Variants in TJP1 observed in about 807,000 individuals in gnomAD.
TJP1 encodes tight junction protein 1, also known as tight junction protein ZO-1.
TJP1 carries 43 observed loss-of-function variants against 194.2 expected under a neutral mutation model. That is an observed-to-expected ratio of 0.22 (90% confidence interval 0.17 to 0.29). The LOEUF is 0.29. Among genes scored for constraint, TJP1 ranks in the 10% least tolerant of loss-of-function variants. TJP1 has a pLI of 1.00. For synonymous variants in TJP1, 801 were observed against 779.0 expected, an observed-to-expected ratio of 1.03 and a Z score of -0.47; for missense variants, 1,971 against 2,185.7, an observed-to-expected ratio of 0.90 and a Z score of 1.96.
chr15:29,760,980 G>A (rs771480980), intron 8 of TJP1, among the ~76,000 whole-genome samples, 159 bp downstream of exon 8: 12 of 152,052 alleles, frequency 7.9e-5, no homozygotes, highest in Admixed American at 2.0e-4. Context: ...GAAAGTTTGC[G>A]GTTATTTTAG....
intron 2 of TJP1, among the ~76,000 whole-genome samples, chr15:29,788,030 T>C (rs1220403405): frequency 6.6e-6 from 1 of 152,230 alleles, no homozygotes; most frequent in Non-Finnish European, 1.5e-5. Context: ...GGTATTTCAC[T>C]ATACTTTTTG....
intron 1 of TJP1, among the ~76,000 whole-genome samples, chr15:29,959,817 C>A (rs2056089663): frequency 6.6e-6 from 1 of 152,120 alleles, no homozygotes; most frequent in Non-Finnish European, 1.5e-5. Context: ...AGGGCGTCTT[C>A]CTTTCAATTG....
chr15:29,875,965 T>C (rs73371112), intron 2 of TJP1, among the ~76,000 whole-genome samples: 7,519 of 152,300 alleles, frequency 0.049, 304 homozygotes, highest in African/African-American at 0.1. Context: ...ACTCTATACC[T>C]GCCTTGTCCA....
At chr15:29,956,247 A>G in exon 2 of TJP1, 1 of 1,287,494 alleles carries the variant, frequency 7.8e-7, no homozygotes, top group Non-Finnish European at 1.0e-6. Context: ...GCTCACAGAA[A>G]TCCATGCTAT....
intron 2 of TJP1, among the ~76,000 whole-genome samples, chr15:29,781,156 A>G (rs544104716): frequency 1.2e-4 from 18 of 152,200 alleles, no homozygotes; most frequent in Non-Finnish European, 2.5e-4. Flanking sequence ...CACTGACCCC[A>G]CAGGAATACA....
chr15:29,719,710 A>T, intron 20 of TJP1, 67 bp downstream of exon 20: 1 of 1,562,544 alleles, frequency 6.4e-7, no homozygotes, highest in Non-Finnish European at 8.7e-7. Flanking sequence ...TAAAGGGCAA[A>T]GCAAAAATGA....
chr15:29,886,818 G>C (rs930258729), intron 2 of TJP1, among the ~76,000 whole-genome samples: 1 of 152,024 alleles, frequency 6.6e-6, no homozygotes, highest in Non-Finnish European at 1.5e-5. Flanking sequence ...CTTAGTACAT[G>C]TCATGGGCTC....
chr15:29,885,642 A>C (rs1266359137), intron 2 of TJP1, among the ~76,000 whole-genome samples: 4 of 152,254 alleles, frequency 2.6e-5, no homozygotes, highest in Non-Finnish European at 5.9e-5. Flanking sequence ...TTTAAAAAGA[A>C]GCAGGGGAAA....
intron 2 of TJP1, among the ~76,000 whole-genome samples, chr15:29,889,111 T>G (rs2053221098): frequency 6.6e-6 from 1 of 152,188 alleles, no homozygotes; most frequent in African/African-American, 2.4e-5. Context: ...ACAGCATGTG[T>G]GCATAACGTT....
intron 2 of TJP1, among the ~76,000 whole-genome samples, chr15:29,846,384 G>A (rs1203125461): frequency 6.6e-6 from 1 of 152,124 alleles, no homozygotes; most frequent in Non-Finnish European, 1.5e-5. Flanking sequence ...TTCTCCACCA[G>A]TGCCTGACAT....
intron 8 of TJP1, among the ~76,000 whole-genome samples, chr15:29,757,865 A>T (rs1393866723): frequency 6.6e-6 from 1 of 152,118 alleles, no homozygotes; most frequent in Admixed American, 6.5e-5. Context: ...GGGTCCACTT[A>T]CACTCGAATT....
intron 2 of TJP1, among the ~76,000 whole-genome samples, chr15:29,841,401 CTT>C (rs1237496130): frequency 6.6e-6 from 1 of 152,202 alleles, no homozygotes; most frequent in Non-Finnish European, 1.5e-5. Flanking sequence ...TAAAATGGCT[CTT>C]AACTACTCAT....
In TJP1 at chr15:29,747,810, C is replaced by T. The variant is rs549494715; in HGVS notation, c.1011-5029G>A. ...ATTGGCTATACATGTAGGGCTCTTG[C>T]TCCATATATCACACAAAACTTCTGG... On this transcript the variant is annotated intron_variant, in intron 8 of 27. Coordinates refer to ENST00000614355, the MANE Select transcript of TJP1 (RefSeq NM_001330239.4). Among the ~76,000 whole-genome samples, 3 of 152,306 alleles carry T rather than the reference C, an allele frequency of 2.0e-5. No homozygotes were observed. In the South Asian group the frequency reaches 6.2e-4, roughly 32 times the overall value.
At chr15:29,859,403 G>A (rs998488602) in intron 2 of TJP1, among the ~76,000 whole-genome samples, 4 of 152,134 alleles carry the variant, frequency 2.6e-5, no homozygotes, top group Non-Finnish European at 4.4e-5. Flanking sequence ...AAAGTGCAAG[G>A]CATCAGAGAG....
At chr15:29,738,248 G>T (rs1456472239) in intron 10 of TJP1, among the ~76,000 whole-genome samples, 2 of 151,896 alleles carry the variant, frequency 1.3e-5, no homozygotes, top group Non-Finnish European at 2.9e-5. Context: ...CACATTCCTA[G>T]CAAGAAAATA....
chr15:29,949,554 C>CTT (rs2055510419), intron 2 of TJP1, among the ~76,000 whole-genome samples: 1 of 143,558 alleles, frequency 7.0e-6, no homozygotes, highest in Non-Finnish European at 1.5e-5. Context: ...ACCTCCACAA[C>CTT]CACCACCTCC....
At chr15:29,781,034 A>C (rs1212113876) in intron 2 of TJP1, among the ~76,000 whole-genome samples, 1 of 152,132 alleles carries the variant, frequency 6.6e-6, no homozygotes, top group Admixed American at 6.6e-5. Context: ...ACCATTCAAA[A>C]GACCAACGAA....
intron 19 of TJP1, 46 bp downstream of exon 19, chr15:29,720,312 T>G: frequency 6.9e-7 from 1 of 1,445,742 alleles, no homozygotes. Context: ...TTCTAAAATT[T>G]AATAATGCAC....
intron 4 of TJP1, among the ~76,000 whole-genome samples, chr15:29,771,303 A>G (rs550333473): frequency 2.0e-5 from 3 of 152,300 alleles, no homozygotes; most frequent in African/African-American, 7.2e-5. Flanking sequence ...CCTCGGTTAC[A>G]AGCCTGTACA....
Sources: allele counts gnomAD v4.1 joint callset (sites outside exome capture counted in the v4.1 genomes callset), GRCh38; gene constraint gnomAD v4.1.1; transcripts MANE v1.5; gene names NCBI Gene and HGNC (gene_info 2026-07-23, HGNC 2026-07-21).